Variants in FBLN5 observed in about 807,000 individuals in gnomAD.
FBLN5 encodes fibulin 5, also known as fibulin-5.
A neutral mutation model predicts 61.6 loss-of-function variants in FBLN5; 24 were observed. That is an observed-to-expected ratio of 0.39 (90% CI 0.28 to 0.55). The LOEUF (loss-of-function observed/expected upper bound fraction) is 0.55, where lower values mean the gene tolerates loss of function less well. Ranked by LOEUF, FBLN5 falls within the 20% of genes least tolerant of loss-of-function variation. FBLN5 has a pLI of 0.65. For missense variants in FBLN5, 470 were observed against 594.1 expected, an observed-to-expected ratio of 0.79 and a Z score of 2.17; for synonymous variants, 213 against 219.8, an observed-to-expected ratio of 0.97 and a Z score of 0.27.
intron 8 of FBLN5, 29 bp from the exon 9 acceptor site, chr14:91,881,447 G>C (rs1595297205): frequency 6.2e-7 from 1 of 1,613,872 alleles, no homozygotes; most frequent in East Asian, 2.2e-5. Context: ...AAGAAGCGGA[G>C]GCAGGGCATT....
intron 4 of FBLN5, among the ~76,000 whole-genome samples, chr14:91,902,463 G>A (rs1306587950): frequency 2.6e-5 from 4 of 152,104 alleles, no homozygotes; most frequent in Non-Finnish European, 4.4e-5. Context: ...CAAGAGAATT[G>A]CCTGACTAAA....
At chr14:91,946,295 C>T in intron 1 of FBLN5, among the ~76,000 whole-genome samples, 1 of 151,568 alleles carries the variant, frequency 6.6e-6, no homozygotes, top group East Asian at 1.9e-4. Flanking sequence ...AAAAAAAAAA[C>T]CCTGGAAACT....
intron 4 of FBLN5, among the ~76,000 whole-genome samples, chr14:91,929,718 C>A (rs188520094): frequency 2.0e-5 from 3 of 152,332 alleles, no homozygotes; most frequent in South Asian, 2.1e-4. Context: ...AACCTTCTAC[C>A]TTTCTTTAAA....
chr14:91,895,422 CAT>C (rs1245630972), intron 4 of FBLN5, among the ~76,000 whole-genome samples: 1 of 152,182 alleles, frequency 6.6e-6, no homozygotes, highest in Non-Finnish European at 1.5e-5. Flanking sequence ...CTTGTTCATT[CAT>C]ATGTTAAACA....
intron 4 of FBLN5, among the ~76,000 whole-genome samples, chr14:91,916,210 C>G (rs746291586): frequency 1.3e-5 from 2 of 152,134 alleles, no homozygotes; most frequent in Non-Finnish European, 2.9e-5. Context: ...CTTTGGGAGG[C>G]CGAGGTAGGT....
chr14:91,877,462 G>A (rs578237131), intron 10 of FBLN5, 25 bp downstream of exon 10: 23 of 1,583,368 alleles, frequency 1.5e-5, no homozygotes, highest in African/African-American at 6.7e-5. Flanking sequence ...TACAGATGGC[G>A]TCCCCACTCC....
intron 4 of FBLN5, among the ~76,000 whole-genome samples, chr14:91,925,841 C>T (rs1290110925): frequency 6.6e-6 from 1 of 152,202 alleles, no homozygotes; most frequent in Non-Finnish European, 1.5e-5. Flanking sequence ...ACAGCCACAG[C>T]GACCATGGCC....
chr14:91,900,089 G>A (rs1396097660), intron 4 of FBLN5, among the ~76,000 whole-genome samples: 1 of 152,202 alleles, frequency 6.6e-6, no homozygotes, highest in Admixed American at 6.5e-5. Context: ...AGACAGCTTC[G>A]TGGGTATTAC....
chr14:91,881,510 C>T, intron 8 of FBLN5, 92 bp from the exon 9 acceptor site: 1 of 1,394,370 alleles, frequency 7.2e-7, no homozygotes, highest in Non-Finnish European at 1.0e-6. Flanking sequence ...TACTACAGAG[C>T]TGTACTATCC....
At chr14:91,925,486 G>A (rs888477302) in intron 4 of FBLN5, among the ~76,000 whole-genome samples, 1 of 152,230 alleles carries the variant, frequency 6.6e-6, no homozygotes, top group Non-Finnish European at 1.5e-5. Flanking sequence ...GGAGCCTCGG[G>A]ATGGTTGCTG....
At chr14:91,896,218 C>T (rs1470186374) in intron 4 of FBLN5, among the ~76,000 whole-genome samples, 1 of 152,142 alleles carries the variant, frequency 6.6e-6, no homozygotes, top group Non-Finnish European at 1.5e-5. Flanking sequence ...CCTCCCGATG[C>T]CACACTCTCA....
rs569972931 is a variant in FBLN5 at position 91,917,286 on chromosome 14, A to G, written c.379+19661T>C. Among the ~76,000 whole-genome samples the G allele has an allele frequency of 3.3e-5, 5 of 152,362 alleles. No individual in the cohort carries two copies. In the East Asian group the frequency reaches 9.6e-4, roughly 29 times the overall value. On this transcript the variant is annotated intron_variant, in intron 4 of 10. Coordinates refer to ENST00000342058, the MANE Select transcript of FBLN5 (RefSeq NM_006329.4). ...CTACTTCTCAGCTTTCAGTTATGAA[A>G]AAACAAATTAGGCTGGGTGTGGTGG...
chr14:91,946,363 G>C (rs900382720), intron 1 of FBLN5, among the ~76,000 whole-genome samples: 1 of 152,000 alleles, frequency 6.6e-6, no homozygotes, highest in African/African-American at 2.4e-5. Flanking sequence ...GCTCATAACC[G>C]GTCCTGGGAA....
intron 6 of FBLN5, among the ~76,000 whole-genome samples, chr14:91,889,891 C>T (rs1889909216): frequency 1.3e-5 from 2 of 152,358 alleles, no homozygotes; most frequent in Admixed American, 1.3e-4. Context: ...AAGACGCAGG[C>T]ACCTTTTGGC....
chr14:91,905,374 G>A (rs1410508831), intron 4 of FBLN5, among the ~76,000 whole-genome samples: 1 of 152,146 alleles, frequency 6.6e-6, no homozygotes, highest in Non-Finnish European at 1.5e-5. Context: ...GCTGCAGAGG[G>A]CTGGGAACAC....
intron 4 of FBLN5, among the ~76,000 whole-genome samples, chr14:91,907,672 C>CGAGGAGGATAATG (rs1890739071): frequency 6.6e-6 from 1 of 151,046 alleles, no homozygotes; most frequent in Non-Finnish European, 1.5e-5. Context: ...CAAAAGAGAA[C>CGAGGAGGATAATG]GAGGAGGATA....
At chr14:91,872,610 C>T (rs147538560) in intron 10 of FBLN5, among the ~76,000 whole-genome samples, 2 of 152,324 alleles carry the variant, frequency 1.3e-5, no homozygotes, top group East Asian at 3.9e-4. Flanking sequence ...CAGACAGGTG[C>T]AGGCCAGGCG....
In FBLN5 at chr14:91,926,201, C is replaced by G. The variant is rs145891878; in HGVS notation, c.379+10746G>C. Among the ~76,000 whole-genome samples, 283 of 152,306 alleles carry G rather than the reference C, an allele frequency of 1.9e-3. 2 individuals carry two copies. Among genetic ancestry groups the G allele is most frequent in the African/African-American group, 6.5e-3 (270 of 41,564 alleles). On this transcript the variant is annotated intron_variant, in intron 4 of 10. Transcript: ENST00000342058. Reference sequence around the variant, plus strand: ...CAGCCATGCCCTCCATTATGAAAGACAAGAGCCTGTGGGCACCTGCCTGCC... The same window carrying G: ...CAGCCATGCCCTCCATTATGAAAGAGAAGAGCCTGTGGGCACCTGCCTGCC...
At chr14:91,881,235 C>A in intron 9 of FBLN5, 57 bp downstream of exon 9, 1 of 1,609,018 alleles carries the variant, frequency 6.2e-7, no homozygotes, top group Non-Finnish European at 8.5e-7. Flanking sequence ...ACACCTCCAA[C>A]CTCCTGAGCC....
Sources: gnomAD v4.1 joint callset for allele counts (sites outside exome capture counted in the v4.1 genomes callset) on GRCh38, gnomAD v4.1.1 for gene constraint, MANE v1.5 for transcripts, NCBI Gene and HGNC (gene_info 2026-07-23, HGNC 2026-07-21) for gene names.